PTPRD: variants seen among roughly 807,000 people sequenced by gnomAD.
The protein encoded by PTPRD is protein tyrosine phosphatase receptor type D, also known as receptor-type tyrosine-protein phosphatase delta.
A neutral mutation model predicts 214.5 loss-of-function variants in PTPRD; 34 were observed. The observed-to-expected ratio is 0.16, with a 90% CI of 0.12 to 0.21. The LOEUF (loss-of-function observed/expected upper bound fraction) is 0.21, where lower values mean the gene tolerates loss of function less well. PTPRD is among the 10% of genes least tolerant of loss of function. The pLI is 1.00. For synonymous variants in PTPRD, 1,128 were observed against 845.7 expected (o/e 1.33, Z -5.79); for missense variants, 2,545 against 2,398.7 (o/e 1.06, Z -1.27).
intron 8 of PTPRD, among the ~76,000 whole-genome samples, chr9:9,532,169 T>G (rs2075622998): frequency 6.6e-6 from 1 of 151,754 alleles, no homozygotes; most frequent in Non-Finnish European, 1.5e-5. Context: ...AAACACAAGG[T>G]GAATGTGACT....
chr9:10,586,489 T>C (rs538162115), intron 2 of PTPRD, among the ~76,000 whole-genome samples: 3 of 152,134 alleles, frequency 2.0e-5, no homozygotes, highest in Admixed American at 2.0e-4. Context: ...AGCCCAAAAA[T>C]TGCATGGAAA....
At chr9:9,845,032 C>T (rs1345926466) in intron 5 of PTPRD, among the ~76,000 whole-genome samples, 1 of 134,852 alleles carries the variant, frequency 7.4e-6, no homozygotes, top group African/African-American at 2.8e-5. Context: ...ATATATACTG[C>T]TATATATATA....
chr9:9,024,494 A>G (rs1441706683), intron 10 of PTPRD, among the ~76,000 whole-genome samples: 2 of 151,528 alleles, frequency 1.3e-5, no homozygotes, highest in African/African-American at 4.8e-5. Context: ...TATAATATCT[A>G]TTGCCAAATT....
intron 3 of PTPRD, among the ~76,000 whole-genome samples, chr9:10,274,434 C>T (rs1458838295): frequency 1.3e-5 from 2 of 152,094 alleles, no homozygotes; most frequent in African/African-American, 2.4e-5. Context: ...CAAATAGTTT[C>T]CTGCAACCAT....
chr9:9,925,227 G>A (rs1230809170), intron 5 of PTPRD, among the ~76,000 whole-genome samples: 1 of 152,100 alleles, frequency 6.6e-6, no homozygotes, highest in Admixed American at 6.5e-5. Context: ...AGTTGCCCAT[G>A]TGCTGCCTAA....
intron 5 of PTPRD, among the ~76,000 whole-genome samples, chr9:9,920,554 T>A (rs1162328973): frequency 6.6e-6 from 1 of 152,150 alleles, no homozygotes; most frequent in Non-Finnish European, 1.5e-5. Context: ...CACATTAATC[T>A]GAACGTTTAA....
chr9:9,169,815 T>C (rs187504470), intron 10 of PTPRD, among the ~76,000 whole-genome samples: 312 of 152,236 alleles, frequency 2.0e-3, no homozygotes, highest in African/African-American at 7.2e-3. Flanking sequence ...CAAAGAAAAC[T>C]AAAACAACAT....
chr9:8,442,424 ACG>A (rs2095578223), intron 34 of PTPRD, among the ~76,000 whole-genome samples: 1 of 152,200 alleles, frequency 6.6e-6, no homozygotes, highest in South Asian at 2.1e-4. Flanking sequence ...GTCATTAATA[ACG>A]GTGGTACATC....
chr9:8,876,355 G>A (rs2098390262), intron 11 of PTPRD, among the ~76,000 whole-genome samples: 1 of 152,062 alleles, frequency 6.6e-6, no homozygotes, highest in Admixed American at 6.6e-5. Flanking sequence ...CTGATGAAAA[G>A]CCTATAATAT....
intron 9 of PTPRD, among the ~76,000 whole-genome samples, chr9:9,358,073 C>T (rs1036651717): frequency 1.3e-5 from 2 of 151,136 alleles, no homozygotes; most frequent in African/African-American, 4.8e-5. Context: ...ATTTTACAAG[C>T]AAGAAATTAA....
intron 35 of PTPRD, among the ~76,000 whole-genome samples, chr9:8,407,000 T>C (rs954935447): frequency 2.0e-5 from 3 of 152,216 alleles, no homozygotes; most frequent in Non-Finnish European, 4.4e-5. Flanking sequence ...GGCATGCATT[T>C]ACTTATAGCA....
intron 5 of PTPRD, among the ~76,000 whole-genome samples, chr9:9,899,082 T>G (rs2075765598): frequency 6.6e-6 from 1 of 152,106 alleles, no homozygotes; most frequent in African/African-American, 2.4e-5. Context: ...GTCAATTACT[T>G]TCTCATATGC....
At chr9:8,791,504 A>T (rs1044800629) in intron 11 of PTPRD, among the ~76,000 whole-genome samples, 2 of 145,114 alleles carry the variant, frequency 1.4e-5, no homozygotes, top group African/African-American at 5.1e-5. Flanking sequence ...GATTACAGGC[A>T]TGAGCCACCA....
chr9:8,729,622 T>C (rs924972715), intron 12 of PTPRD, among the ~76,000 whole-genome samples: 2 of 152,346 alleles, frequency 1.3e-5, no homozygotes, highest in African/African-American at 2.4e-5. Flanking sequence ...AGGAGTATTA[T>C]ATCATGACCA....
intron 11 of PTPRD, among the ~76,000 whole-genome samples, chr9:8,970,008 C>T (rs2099227135): frequency 6.6e-6 from 1 of 151,674 alleles, no homozygotes; most frequent in Admixed American, 6.6e-5. Context: ...AAGTAGAAAC[C>T]ACTAGATGAG....
intron 3 of PTPRD, among the ~76,000 whole-genome samples, chr9:10,034,181 G>C (rs562291424): frequency 6.6e-6 from 1 of 151,972 alleles, no homozygotes; most frequent in South Asian, 2.1e-4. Context: ...AGTTCATGCT[G>C]TAGGACACTA....
At chr9:10,081,888 C>T (rs564201468) in intron 3 of PTPRD, among the ~76,000 whole-genome samples, 2 of 151,620 alleles carry the variant, frequency 1.3e-5, no homozygotes, top group East Asian at 2.0e-4. Flanking sequence ...CAGTCATACA[C>T]CTCTCATCTG....
At chr9:10,121,367 A>G (rs2098773962) in intron 3 of PTPRD, among the ~76,000 whole-genome samples, 1 of 152,150 alleles carries the variant, frequency 6.6e-6, no homozygotes, top group South Asian at 2.1e-4. Flanking sequence ...TCCTAATTAC[A>G]TTTTGCTTAG....
At chr9:9,254,499 T>C (rs2099976873) in intron 9 of PTPRD, among the ~76,000 whole-genome samples, 1 of 152,072 alleles carries the variant, frequency 6.6e-6, no homozygotes, top group South Asian at 2.1e-4. Context: ...TTTGTAGTTA[T>C]ATATGATTTT....
Sources: allele counts gnomAD v4.1 joint callset (sites outside exome capture counted in the v4.1 genomes callset), GRCh38; gene constraint gnomAD v4.1.1; transcripts MANE v1.5; gene names NCBI Gene and HGNC (gene_info 2026-07-23, HGNC 2026-07-21).